Variants in SLC44A5 observed in about 807,000 individuals in gnomAD.
SLC44A5 encodes the protein solute carrier family 44 member 5.
In SLC44A5, 57 loss-of-function variants were observed where a neutral mutation model predicts 101.8. The observed-to-expected ratio is 0.56, with a 90% CI of 0.45 to 0.70. The LOEUF (loss-of-function observed/expected upper bound fraction) is 0.70, where lower values mean the gene tolerates loss of function less well. Ranked by LOEUF, SLC44A5 falls within the 30% of genes least tolerant of loss-of-function variation. The probability of loss-of-function intolerance (pLI) is 0.00; values close to 1 mark genes in which losing one functional copy is unlikely to be tolerated. For missense variants in SLC44A5, 737 were observed against 853.1 expected (o/e 0.86, Z 1.70); for synonymous variants, 281 against 290.9 (o/e 0.97, Z 0.35).
intron 2 of SLC44A5, among the ~76,000 whole-genome samples, chr1:75,488,832 C>G (rs541664870): frequency 2.6e-4 from 39 of 152,202 alleles, no homozygotes; most frequent in South Asian, 8.3e-4. Context: ...AAAAAGTGTA[C>G]AAGTCAAATG....
At chr1:75,541,265 A>G (rs1295870232) in intron 2 of SLC44A5, among the ~76,000 whole-genome samples, 170 bp downstream of exon 2, 1 of 152,208 alleles carries the variant, frequency 6.6e-6, no homozygotes, top group East Asian at 1.9e-4. Context: ...TGAGACAGGC[A>G]AAGACGGAGA....
the SLC44A5 span, among the ~76,000 whole-genome samples, chr1:75,635,126 T>G: frequency 0.015 from 2,323 of 151,464 alleles, 69 homozygotes; most frequent in African/African-American, 0.052. Flanking sequence ...CTCACACTAG[T>G]TAGAATGGCA....
intron 2 of SLC44A5, among the ~76,000 whole-genome samples, chr1:75,461,069 G>A (rs1297086260): frequency 1.3e-5 from 2 of 151,534 alleles, no homozygotes; most frequent in Non-Finnish European, 2.9e-5. Context: ...AAAAGAAAAT[G>A]GTTAAATAAA....
At position 75,582,206 on chromosome 1, in the gene SLC44A5, A is replaced by C. The variant is rs533269995; in HGVS notation, c.-70+28834T>G. ...ACGAATCTCTTAAGGGGTGGACCCCAAGTTCCTGAGGAACATGCGCTTTGC... is the reference window on the plus strand; with the variant it reads ...ACGAATCTCTTAAGGGGTGGACCCCCAGTTCCTGAGGAACATGCGCTTTGC... On this transcript the variant is annotated intron_variant, in intron 1 of 23. Transcript: ENST00000370859. The C allele has an allele frequency of 3.8e-6, 4 of 1,039,916 alleles. No homozygotes were observed. The Admixed American group carries it at 7.0e-5, about 18-fold the overall frequency. The allele number at this position is 1,039,916 out of a possible 1,614,324, so 64.4% of individuals were successfully genotyped here. A position where few individuals can be genotyped will look rare whatever the true frequency, so the allele number is the denominator to read the frequency against.
the SLC44A5 span, among the ~76,000 whole-genome samples, chr1:75,706,992 T>C: frequency 1.3e-5 from 2 of 152,216 alleles, no homozygotes; most frequent in Non-Finnish European, 2.9e-5. Flanking sequence ...TCATGCTTGC[T>C]ACCTAGTTTG....
intron 7 of SLC44A5, among the ~76,000 whole-genome samples, chr1:75,245,613 T>A (rs946301352): frequency 2.0e-5 from 3 of 152,130 alleles, no homozygotes; most frequent in Non-Finnish European, 4.4e-5. Flanking sequence ...ACTTCTGAAT[T>A]GAGACCATGA....
the SLC44A5 span, among the ~76,000 whole-genome samples, chr1:75,659,489 G>GAAGGAAGGAAGGAAGGTAGA: frequency 1.6e-5 from 1 of 61,416 alleles, no homozygotes; most frequent in Non-Finnish European, 3.5e-5. Context: ...AGGAAGGAAG[G>GAAGGAAGGAAGGAAGGTAGA]AAGGCAGGCA....
chr1:75,251,184 T>C, intron 7 of SLC44A5, 26 bp downstream of exon 7: 1 of 1,551,838 alleles, frequency 6.4e-7, no homozygotes. Context: ...CGGCTGACAC[T>C]ACCAGTGAGG....
At chr1:75,318,939 A>T (rs1655925244) in intron 4 of SLC44A5, among the ~76,000 whole-genome samples, 1 of 151,978 alleles carries the variant, frequency 6.6e-6, no homozygotes, top group Non-Finnish European at 1.5e-5. Flanking sequence ...TATCACTCCC[A>T]ACCCCCCCTG....
At chr1:75,450,682 C>T (rs1388250372) in intron 2 of SLC44A5, among the ~76,000 whole-genome samples, 3 of 152,132 alleles carry the variant, frequency 2.0e-5, no homozygotes, top group Non-Finnish European at 4.4e-5. Flanking sequence ...TTGCTGGGTA[C>T]CCCAGTCTGC....
the SLC44A5 span, chr1:75,642,225 T>C: frequency 1.8e-6 from 1 of 544,654 alleles, no homozygotes; most frequent in East Asian, 3.1e-5. Flanking sequence ...GCTTATACAA[T>C]CACTTGATAT....
chr1:75,537,034 A>AAAAAAAATATATATATATG (rs1553199990), intron 2 of SLC44A5, among the ~76,000 whole-genome samples: 3 of 18,644 alleles, frequency 1.6e-4, no homozygotes, highest in Admixed American at 9.0e-4. Context: ...AAAAAAAAAA[A>AAAAAAAATATATATATATG]TATATATCTA....
the SLC44A5 span, among the ~76,000 whole-genome samples, chr1:75,624,049 A>G: frequency 6.6e-6 from 1 of 152,158 alleles, no homozygotes; most frequent in Non-Finnish European, 1.5e-5. Flanking sequence ...AACCTGGAAC[A>G]TATTGATGTG....
the SLC44A5 span, among the ~76,000 whole-genome samples, chr1:75,683,460 C>G: frequency 2.0e-5 from 3 of 151,812 alleles, no homozygotes; most frequent in Non-Finnish European, 4.4e-5. Context: ...TTTGTAGGGA[C>G]ATGGATGAAA....
At chr1:75,491,333 G>A (rs1410024189) in intron 2 of SLC44A5, among the ~76,000 whole-genome samples, 1 of 152,180 alleles carries the variant, frequency 6.6e-6, no homozygotes, top group East Asian at 1.9e-4. Context: ...TTTTGAGACA[G>A]CAAGAATCTA....
chr1:75,473,226 G>A (rs140744928), intron 2 of SLC44A5, among the ~76,000 whole-genome samples: 1 of 152,242 alleles, frequency 6.6e-6, no homozygotes, highest in East Asian at 1.9e-4. Flanking sequence ...GAGTTCCAGA[G>A]GGAGCAACAC....
intron 4 of SLC44A5, among the ~76,000 whole-genome samples, chr1:75,304,529 G>T (rs1031199498): frequency 6.6e-6 from 1 of 152,112 alleles, no homozygotes; most frequent in Non-Finnish European, 1.5e-5. Context: ...TGTGTTAGAC[G>T]TTGTAGTGCC....
intron 5 of SLC44A5, among the ~76,000 whole-genome samples, chr1:75,281,478 C>A (rs983852902): frequency 6.6e-6 from 1 of 152,034 alleles, no homozygotes; most frequent in African/African-American, 2.4e-5. Flanking sequence ...GAAATTCAAG[C>A]CTGCTGCAGA....
intron 1 of SLC44A5, among the ~76,000 whole-genome samples, chr1:75,578,006 A>T (rs1673468679): frequency 6.6e-6 from 1 of 152,128 alleles, no homozygotes; most frequent in Non-Finnish European, 1.5e-5. Flanking sequence ...TTTTGTCTTT[A>T]ATATGAAATT....
Sources: gnomAD v4.1 joint callset for allele counts (sites outside exome capture counted in the v4.1 genomes callset) on GRCh38, gnomAD v4.1.1 for gene constraint, MANE v1.5 for transcripts, NCBI Gene and HGNC (gene_info 2026-07-23, HGNC 2026-07-21) for gene names.